Variants in NEB observed in about 807,000 individuals in gnomAD.
NEB encodes nemaline myopathy type 2.
In NEB, 512 loss-of-function variants were observed where a neutral mutation model predicts 952.2. The ratio of observed to expected loss-of-function variants is 0.54; its 90% CI spans 0.50 to 0.58. The LOEUF (loss-of-function observed/expected upper bound fraction) is 0.58. NEB is among the 20% of genes least tolerant of loss of function. The pLI is 0.00. For synonymous variants in NEB, 2,900 were observed against 3,149.8 expected (o/e 0.92, Z 2.66); for missense variants, 8,428 against 9,231.1 (o/e 0.91, Z 3.56).
At chr2:151,486,920 T>G (rs1215514466) in intron 181 of NEB, among the ~76,000 whole-genome samples, 1 of 152,228 alleles carries the variant, frequency 6.6e-6, no homozygotes, top group Non-Finnish European at 1.5e-5. Context: ...CCAGAAGAGT[T>G]TTGAATACAG....
intron 54 of NEB, among the ~76,000 whole-genome samples, chr2:151,647,118 T>C (rs2098970078): frequency 6.6e-6 from 1 of 151,712 alleles, no homozygotes; most frequent in Non-Finnish European, 1.5e-5. Flanking sequence ...ACTAATAATT[T>C]TTTTTTTTTG....
At chr2:151,489,870 AG>A (rs2054725040) in intron 181 of NEB, 100 bp downstream of exon 181, 1 of 773,204 alleles carries the variant, frequency 1.3e-6, no homozygotes, top group Non-Finnish European at 2.2e-6. Flanking sequence ...ATAAAATAGA[AG>A]GTTTGGTTAA....
chr2:151,592,175 T>C (rs1374541191), intron 94 of NEB, 37 bp from the exon 95 acceptor site: 3 of 1,548,918 alleles, frequency 1.9e-6, no homozygotes, highest in Non-Finnish European at 2.6e-6. Flanking sequence ...GGTCAATTAG[T>C]AAATAAGTCA....
At chr2:151,523,047 T>G (rs1193759371) in intron 153 of NEB, among the ~76,000 whole-genome samples, 1 of 152,170 alleles carries the variant, frequency 6.6e-6, no homozygotes, top group Non-Finnish European at 1.5e-5. Flanking sequence ...AACAATAAAG[T>G]TTTCAAAATT....
chr2:151,660,267 A>G (rs1234150003), intron 46 of NEB, among the ~76,000 whole-genome samples: 1 of 152,166 alleles, frequency 6.6e-6, no homozygotes, highest in African/African-American at 2.4e-5. Flanking sequence ...CCTTCTTCCC[A>G]AAGACTAGGA....
chr2:151,717,636 G>A, intron 9 of NEB, 116 bp from the exon 10 acceptor site: 1 of 766,722 alleles, frequency 1.3e-6, no homozygotes, highest in Non-Finnish European at 2.2e-6. Flanking sequence ...ACATACCATT[G>A]CTCTCAGTAC....
chr2:151,496,244 G>GT, intron 173 of NEB, 32 bp downstream of exon 173: 1 of 1,520,802 alleles, frequency 6.6e-7, no homozygotes, highest in Non-Finnish European at 9.0e-7. Context: ...TTTAAAATCA[G>GT]TAAGTAGTTT....
intron 75 of NEB, among the ~76,000 whole-genome samples, chr2:151,616,808 CTA>C (rs1239751875): frequency 6.6e-6 from 1 of 152,162 alleles, no homozygotes; most frequent in African/African-American, 2.4e-5. Context: ...AAAATGTACT[CTA>C]TTCTGTTTTA....
At chr2:151,673,502 G>C (rs141004509) in intron 36 of NEB, among the ~76,000 whole-genome samples, 2 of 151,356 alleles carry the variant, frequency 1.3e-5, no homozygotes, top group African/African-American at 4.8e-5. Context: ...ACTTAGACTA[G>C]AAATGTATTT....
intron 117 of NEB, among the ~76,000 whole-genome samples, chr2:151,564,354 C>T (rs895834717): frequency 6.6e-6 from 1 of 152,010 alleles, no homozygotes; most frequent in Non-Finnish European, 1.5e-5. Flanking sequence ...GGGGTTTCAC[C>T]GTGTTGGCCA....
chr2:151,489,178 T>C (rs1433145592), intron 181 of NEB, among the ~76,000 whole-genome samples: 1 of 152,216 alleles, frequency 6.6e-6, no homozygotes, highest in African/African-American at 2.4e-5. Flanking sequence ...CCTTCTTGTA[T>C]GTCATTTAAT....
In NEB at chr2:151,555,034, C is replaced by T. The variant is rs375182306; in HGVS notation, c.19325G>A (p.Arg6442Gln). The T allele has an allele frequency of 5.4e-5, 86 of 1,600,418 alleles. No individual in the cohort carries two copies. In the Middle Eastern group the frequency reaches 1.2e-3, roughly 22 times the overall value. The change falls in exon 125 of 182, where the codon CGG becomes CAG. Residue 6442 changes from arginine to glutamine, a missense_variant. Around this residue, in one of 11 missense-constraint regions of NEB, gnomAD observed 3,374 missense variants for 3,651.5 expected, o/e 0.92. Transcript: ENST00000397345. ...QKHLASHIKY[R>Q]EEYEKFKALY... ...AGCTTTGAACTTTTCATATTCTTCC[C>T]GATATTTGATCTATAGAGAATAAGT...
rs373439650 is a variant in NEB, at chr2:151,655,965, C to G, written c.6554G>C (p.Gly2185Ala). 3.7e-6 allele frequency: 6 copies of G among 1,613,626 alleles called. No homozygotes were observed. Among genetic ancestry groups the G allele is most frequent in the Non-Finnish European group, 5.1e-6 (6 of 1,179,780 alleles). Reference protein sequence around the residue: ...WYKGLGWSPAGSLEVEKAKKA... With the variant: ...WYKGLGWSPAASLEVEKAKKA... The stretch of plus-strand genomic sequence containing the variant: ...CTTGGCCTTCTCCACTTCCAGAGAA[C>G]CTGCTGGACTCCAGCCAAGCCCTTT... The change falls in exon 50 of 182, where the codon GGT becomes GCT. Residue 2185 changes from glycine (G) to alanine (A), a missense_variant. Physicochemically the swap from Gly to Ala is moderately conservative, Grantham distance 60. This residue lies in a region of NEB where 2,851 missense variants were observed against 2,791.5 expected (regional missense o/e 1.02). Coordinates refer to ENST00000397345, the MANE Select transcript of NEB (RefSeq NM_001164508.2).
In NEB at chr2:151,679,901, T is replaced by C. The variant is rs1160775703; in HGVS notation, c.3147+17A>G. ...AAGTCTGGACATACGCATCAGCCCGTGAGTCCACCCACGCACCTCACTGAT... is the reference window on the plus strand; with the variant it reads ...AAGTCTGGACATACGCATCAGCCCGCGAGTCCACCCACGCACCTCACTGAT... On this transcript the variant is annotated intron_variant, in intron 31 of 181. Transcript: ENST00000397345. 1.2e-6 allele frequency: 2 copies of C among 1,609,804 alleles called. No individual in the cohort carries two copies. Among genetic ancestry groups the C allele is most frequent in the Middle Eastern group, 1.7e-4 (1 of 6,054 alleles).
chr2:151,694,748 G>T, intron 18 of NEB, 119 bp from the exon 19 acceptor site: 2 of 755,824 alleles, frequency 2.6e-6, no homozygotes, highest in East Asian at 2.7e-5. Context: ...CCTTTTTATT[G>T]TCTAGGAAAT....
At position 151,639,928 on chromosome 2, in the gene NEB, ATC is replaced by A; in HGVS notation, c.8816_8817del (p.Arg2939IlefsTer8). 1 of 1,613,954 alleles carries A rather than the reference ATC, an allele frequency of 6.2e-7. No individual in the cohort carries two copies. The highest frequency in any genetic ancestry group is 8.5e-7 in the Non-Finnish European group (1 of 1,179,862). On this transcript the variant is annotated frameshift_variant, in exon 62 of 182. Coordinates refer to ENST00000397345, the MANE Select transcript of NEB (RefSeq NM_001164508.2). LOFTEE classifies it high-confidence loss of function. ...GAGTCAGTCACACTGGTAAATTTGA[ATC>A]TGTCTGGAGGCTGGCGATAGATTTT... ...SDKIYRQPPD[R>X]FKFTSVTDSL...
intron 181 of NEB, among the ~76,000 whole-genome samples, chr2:151,488,714 C>G (rs536096331): frequency 6.6e-6 from 1 of 152,110 alleles, no homozygotes; most frequent in South Asian, 2.1e-4. Flanking sequence ...ACATCTAAAT[C>G]TTTGGTACAG....
chr2:151,657,924 C>T (rs540510544), intron 48 of NEB, 59 bp downstream of exon 48: 7 of 1,190,506 alleles, frequency 5.9e-6, no homozygotes, highest in African/African-American at 1.5e-5. Flanking sequence ...AGAACTCAGC[C>T]CTTATTATTT....
chr2:151,540,835 A>G (rs1241602732), intron 136 of NEB, 34 bp from the exon 137 acceptor site: 1 of 1,527,996 alleles, frequency 6.5e-7, no homozygotes, highest in African/African-American at 1.4e-5. Context: ...TGTCATAGAG[A>G]TAAAGCATTT....
Sources: gnomAD v4.1 joint callset for allele counts (sites outside exome capture counted in the v4.1 genomes callset) on GRCh38, gnomAD v4.1.1 for gene constraint, gnomAD v4.1.1 regional missense constraint, MANE v1.5 for transcripts, NCBI Gene and HGNC (gene_info 2026-07-23, HGNC 2026-07-21) for gene names.